The following ASAP1 variants were observed in gnomAD, a reference collection of about 807,000 sequenced individuals.
The protein encoded by ASAP1 is arf-GAP with SH3 domain, ANK repeat and PH domain-containing protein 1.
A neutral mutation model predicts 145.2 loss-of-function variants in ASAP1; 43 were observed. The observed-to-expected ratio is 0.30, with a 90% CI of 0.23 to 0.38. The LOEUF (loss-of-function observed/expected upper bound fraction) is 0.38. ASAP1 is among the 10% of genes least tolerant of loss of function. The probability of loss-of-function intolerance (pLI) is 1.00; values close to 1 mark genes in which losing one functional copy is unlikely to be tolerated. For missense variants in ASAP1, 1,018 were observed against 1,355.3 expected, an observed-to-expected ratio of 0.75 and a Z score of 3.91; for synonymous variants, 546 against 515.5, an observed-to-expected ratio of 1.06 and a Z score of -0.80.
chr8:130,109,570 G>A (rs972405061), intron 24 of ASAP1, among the ~76,000 whole-genome samples: 4 of 151,910 alleles, frequency 2.6e-5, no homozygotes, highest in Non-Finnish European at 5.9e-5. Flanking sequence ...ATTTGTCATG[G>A]AGAACAAGGA....
chr8:130,349,295 C>CTT (rs1825863905), intron 3 of ASAP1, among the ~76,000 whole-genome samples: 1 of 152,350 alleles, frequency 6.6e-6, no homozygotes, highest in East Asian at 1.9e-4. Context: ...ACACATCTGA[C>CTT]TTCATTTCTC....
intron 2 of ASAP1, among the ~76,000 whole-genome samples, chr8:130,383,210 T>G (rs1230179492): frequency 6.6e-6 from 1 of 152,176 alleles, no homozygotes; most frequent in East Asian, 1.9e-4. Context: ...GGCAGACTGC[T>G]CACTTCTCAG....
At chr8:130,361,106 A>G (rs1826690610) in intron 2 of ASAP1, 1 of 156,264 alleles carries the variant, frequency 6.4e-6, no homozygotes, top group Admixed American at 6.2e-5. Flanking sequence ...TATTCCAGGT[A>G]GTCGTCTAGC....
At chr8:130,179,986 TGAGAGAGAGAGAGGTGAGAAA>T (rs934567588) in intron 8 of ASAP1, among the ~76,000 whole-genome samples, 3 of 110,366 alleles carry the variant, frequency 2.7e-5, no homozygotes, top group Admixed American at 1.1e-4. Flanking sequence ...AGAAAGAGAA[TGAGAGAGAGAGAGGTGAGAAA>T]GAGAGAGAGA....
chr8:130,368,465 C>T (rs555179661), intron 2 of ASAP1, among the ~76,000 whole-genome samples: 1 of 152,330 alleles, frequency 6.6e-6, no homozygotes, highest in Admixed American at 6.5e-5. Context: ...AACTACTCCT[C>T]CCTGACTCCA....
intron 11 of ASAP1, among the ~76,000 whole-genome samples, chr8:130,164,998 T>TAA (rs374360256): frequency 1.3e-5 from 2 of 152,340 alleles, no homozygotes; most frequent in African/African-American, 4.8e-5. Flanking sequence ...TGAGTGATGA[T>TAA]AAACAGCATG....
rs1214351425 is a variant in ASAP1, at chr8:130,077,342, G to C, written c.2643-936C>G. ...AACTGAAACCCCAGTGCCATCAGTG[G>C]TCTACATTAGGTGGAAGCCACTATT... On this transcript the variant is annotated intron_variant, in intron 26 of 29. Transcript: ENST00000518721. 2.6e-5 allele frequency among the ~76,000 whole-genome samples: 4 copies of C among 152,142 alleles called. No homozygotes were observed. The East Asian group carries it at 7.7e-4, about 29-fold the overall frequency.
chr8:130,117,949 A>C (rs2097559073), intron 20 of ASAP1, among the ~76,000 whole-genome samples: 1 of 152,252 alleles, frequency 6.6e-6, no homozygotes, highest in African/African-American at 2.4e-5. Context: ...TTGCTTGTTT[A>C]CACATTGTCA....
chr8:130,290,260 C>T (rs1781215792), intron 3 of ASAP1, among the ~76,000 whole-genome samples: 1 of 152,190 alleles, frequency 6.6e-6, no homozygotes, highest in Admixed American at 6.5e-5. Context: ...TGTCATATAA[C>T]TGTGCTACTC....
chr8:130,190,049 C>G (rs1162023933), intron 5 of ASAP1, among the ~76,000 whole-genome samples: 1 of 152,090 alleles, frequency 6.6e-6, no homozygotes, highest in South Asian at 2.1e-4. Context: ...TTATTAGTCC[C>G]TTGTCAGATG....
intron 24 of ASAP1, among the ~76,000 whole-genome samples, chr8:130,092,740 A>G (rs1382952101): frequency 6.6e-6 from 1 of 152,192 alleles, no homozygotes; most frequent in Admixed American, 6.5e-5. Context: ...ACATCTTAAA[A>G]CAATAACTCC....
chr8:130,417,867 C>A (rs375063316), intron 1 of ASAP1, among the ~76,000 whole-genome samples: 1 of 152,216 alleles, frequency 6.6e-6, no homozygotes. Context: ...TGCAGGAAAG[C>A]CTCGCTGTAC....
chr8:130,146,544 C>T (rs913265258), intron 13 of ASAP1, among the ~76,000 whole-genome samples: 12 of 152,070 alleles, frequency 7.9e-5, no homozygotes, highest in Admixed American at 1.3e-4. Context: ...AGAGTAAAGA[C>T]GTGGAATCAG....
At chr8:130,400,206 C>T (rs1402292390) in intron 2 of ASAP1, among the ~76,000 whole-genome samples, 3 of 152,190 alleles carry the variant, frequency 2.0e-5, no homozygotes, top group African/African-American at 7.2e-5. Flanking sequence ...ACACACTTTC[C>T]ACTACGCGGA....
chr8:130,397,917 C>T (rs1828608429), intron 2 of ASAP1, among the ~76,000 whole-genome samples: 1 of 152,230 alleles, frequency 6.6e-6, no homozygotes, highest in Admixed American at 6.5e-5. Context: ...GTCATGTCTA[C>T]AGCATGGACC....
rs141227840 is a variant in ASAP1 at position 130,210,818 on chromosome 8, T to G, written c.405+3738A>C. Among the ~76,000 whole-genome samples the G allele has an allele frequency of 2.6e-3, 389 of 152,360 alleles. 1 individual carries two copies. Among genetic ancestry groups the G allele is most frequent in the African/African-American group, 8.9e-3 (371 of 41,580 alleles). The stretch of plus-strand genomic sequence containing the variant: ...TATCTCTAAAATGGGATATGACTGA[T>G]AGCTGTCTTTACACTGAGTTACCTT... On this transcript the variant is annotated intron_variant, in intron 5 of 29. Transcript: ENST00000518721.
At chr8:130,236,844 A>G in intron 4 of ASAP1, 78 bp downstream of exon 4, 4 of 1,086,900 alleles carry the variant, frequency 3.7e-6, no homozygotes, top group Non-Finnish European at 5.2e-6. Context: ...CTATAAACTT[A>G]ACATCTTTTA....
chr8:130,164,989 G>C (rs2097676931), intron 11 of ASAP1, among the ~76,000 whole-genome samples: 1 of 152,298 alleles, frequency 6.6e-6, no homozygotes, highest in Non-Finnish European at 1.5e-5. Flanking sequence ...ATTCTGCAAT[G>C]AGTGATGATA....
intron 10 of ASAP1, among the ~76,000 whole-genome samples, chr8:130,168,321 C>A (rs2097684229): frequency 6.6e-6 from 1 of 151,942 alleles, no homozygotes; most frequent in African/African-American, 2.4e-5. Context: ...TAATATAAAA[C>A]ATGCAAAAAA....
Sources: gnomAD v4.1 joint callset for allele counts (sites outside exome capture counted in the v4.1 genomes callset) on GRCh38, gnomAD v4.1.1 for gene constraint, MANE v1.5 for transcripts, NCBI Gene and HGNC (gene_info 2026-07-23, HGNC 2026-07-21) for gene names.